The following MMP26 variants were observed in gnomAD, a reference collection of about 807,000 sequenced individuals.
MMP26 encodes the protein matrix metalloproteinase-26.
Under a neutral mutation model 31.0 loss-of-function variants are expected in MMP26, and 33 were observed. That is an observed-to-expected ratio of 1.06 (90% CI 0.81 to 1.42). The LOEUF is 1.42. MMP26 is among the 40% of genes most tolerant of loss of function. The pLI, the probability that MMP26 is intolerant of heterozygous loss-of-function variation, is 0.00. For synonymous variants in MMP26, 122 were observed against 114.9 expected (o/e 1.06, Z -0.40); for missense variants, 347 against 316.1 (o/e 1.10, Z -0.74).
At chr11:4,866,490 T>C (rs1850236203) in intron 2 of MMP26, among the ~76,000 whole-genome samples, 1 of 152,110 alleles carries the variant, frequency 6.6e-6, no homozygotes, top group African/African-American at 2.4e-5. Context: ...ATCAATATCA[T>C]GAAAATGGTC....
chr11:4,904,450 A>G (rs1850852385), intron 2 of MMP26, among the ~76,000 whole-genome samples: 1 of 152,110 alleles, frequency 6.6e-6, no homozygotes, highest in South Asian at 2.1e-4. Context: ...ACCTCTCTGT[A>G]TATTCTACCT....
chr11:4,852,783 A>T (rs972205987), intron 2 of MMP26, among the ~76,000 whole-genome samples: 1 of 152,182 alleles, frequency 6.6e-6, no homozygotes, highest in African/African-American at 2.4e-5. Flanking sequence ...CCATTGAAGC[A>T]TTATTCATAA....
At chr11:4,717,288 A>G (rs1217960911) in intron 1 of MMP26, among the ~76,000 whole-genome samples, 1 of 152,180 alleles carries the variant, frequency 6.6e-6, no homozygotes, top group Non-Finnish European at 1.5e-5. Context: ...CTGTATCTCA[A>G]CAGTCTGGAT....
At chr11:4,969,714 A>G (rs1846639961) in intron 2 of MMP26, among the ~76,000 whole-genome samples, 1 of 152,148 alleles carries the variant, frequency 6.6e-6, no homozygotes, top group Admixed American at 6.5e-5. Flanking sequence ...ATAATTTTAA[A>G]CATCCAGTAG....
At chr11:4,754,390 A>G (rs952355401) in intron 1 of MMP26, among the ~76,000 whole-genome samples, 9 of 151,960 alleles carry the variant, frequency 5.9e-5, no homozygotes, top group African/African-American at 2.2e-4. Flanking sequence ...GACGTGAAAC[A>G]ATTTTATTTC....
intron 2 of MMP26, chr11:4,937,227 A>T (rs1470792141): frequency 6.6e-6 from 1 of 152,204 alleles, no homozygotes; most frequent in Non-Finnish European, 1.5e-5. Context: ...AAAGTCATTC[A>T]TTCTGTGAAC....
At chr11:4,805,022 G>A (rs1301175965) in intron 2 of MMP26, among the ~76,000 whole-genome samples, 1 of 151,514 alleles carries the variant, frequency 6.6e-6, no homozygotes, top group African/African-American at 2.4e-5. Context: ...CATCTGCTAA[G>A]GGAAAATCAT....
intron 2 of MMP26, chr11:4,937,533 C>G (rs1367718514): frequency 1.3e-5 from 2 of 152,928 alleles, no homozygotes; most frequent in Non-Finnish European, 2.9e-5. Flanking sequence ...TCAGCGTGGG[C>G]ACATAGAAGA....
chr11:4,820,868 A>G lies in MMP26; in HGVS notation c.-145+53527A>G, dbSNP rs112380622. Among the ~76,000 whole-genome samples, 588 of 152,048 alleles carry G rather than the reference A, an allele frequency of 3.9e-3. 5 individuals carry two copies. Among genetic ancestry groups the G allele is most frequent in the African/African-American group, 0.013 (531 of 41,536 alleles). On this transcript the variant is annotated intron_variant, in intron 2 of 7. Coordinates refer to ENST00000380390, the MANE Select transcript of MMP26 (RefSeq NM_021801.5). Reference sequence around the variant, plus strand: ...CAACAACACAGGGAACTCCCAACAAATGCGATCAATATTTATTTTTCTTAG... The same window carrying G: ...CAACAACACAGGGAACTCCCAACAAGTGCGATCAATATTTATTTTTCTTAG...
chr11:4,882,183 G>A lies in MMP26; in HGVS notation c.-144-105885G>A, dbSNP rs1231672259. 5.6e-6 allele frequency: 9 copies of A among 1,613,922 alleles called. No homozygotes were observed. The South Asian group carries it at 8.8e-5, about 16-fold the overall frequency. On this transcript the variant is annotated intron_variant, in intron 2 of 7. Coordinates refer to ENST00000380390, the MANE Select transcript of MMP26 (RefSeq NM_021801.5). The stretch of plus-strand genomic sequence containing the variant: ...CTCTGGTTTCATGCCCGGGAGATCA[G>A]CTTTAAAGCTTGCTTCATTCAAATG...
At chr11:4,988,379 G>A in intron 3 of MMP26, 69 bp downstream of exon 3, 2 of 1,147,194 alleles carry the variant, frequency 1.7e-6, no homozygotes, top group Non-Finnish European at 2.7e-6. Flanking sequence ...GTGTGTGTGT[G>A]TATGTGTGAC....
intron 2 of MMP26, among the ~76,000 whole-genome samples, chr11:4,785,200 C>T (rs938908965): frequency 3.3e-5 from 5 of 152,098 alleles, no homozygotes; most frequent in African/African-American, 1.2e-4. Flanking sequence ...TCCAAGAAAC[C>T]CTTCAGTTCT....
At chr11:4,741,938 T>C (rs761613370) in intron 1 of MMP26, among the ~76,000 whole-genome samples, 37 of 152,160 alleles carry the variant, frequency 2.4e-4, no homozygotes, top group Non-Finnish European at 4.4e-4. Flanking sequence ...GTTCAAATGG[T>C]TGAATGTTGC....
intron 2 of MMP26, among the ~76,000 whole-genome samples, chr11:4,926,770 A>T (rs373272697): frequency 3.3e-5 from 5 of 152,292 alleles, no homozygotes; most frequent in African/African-American, 9.6e-5. Context: ...ATGAGGAAAA[A>T]AAATAAATAA....
chr11:4,966,908 T>C (rs1337261217), intron 2 of MMP26, among the ~76,000 whole-genome samples: 3 of 152,158 alleles, frequency 2.0e-5, no homozygotes, highest in Admixed American at 2.0e-4. Context: ...TTTCTACCTG[T>C]TGAGCTCAAT....
intron 1 of MMP26, among the ~76,000 whole-genome samples, chr11:4,766,243 C>T (rs1159925641): frequency 6.6e-6 from 1 of 152,138 alleles, no homozygotes; most frequent in African/African-American, 2.4e-5. Context: ...TGCCAGTGTT[C>T]ATTCTGGTGG....
intron 2 of MMP26, chr11:4,832,743 A>G (rs901906358): frequency 5.6e-6 from 1 of 177,822 alleles, no homozygotes; most frequent in South Asian, 1.4e-4. Flanking sequence ...TGTTCGTTGC[A>G]CTCTGCATGA....
intron 2 of MMP26, among the ~76,000 whole-genome samples, chr11:4,902,477 T>C (rs1031354418): frequency 1.3e-5 from 2 of 152,196 alleles, no homozygotes; most frequent in Non-Finnish European, 2.9e-5. Flanking sequence ...CTGTGTAGTA[T>C]TCCCTGGTGT....
chr11:4,941,439 C>A (rs1349219801), intron 2 of MMP26, among the ~76,000 whole-genome samples: 3 of 152,190 alleles, frequency 2.0e-5, no homozygotes, highest in African/African-American at 7.2e-5. Context: ...TGTAAATACA[C>A]AAACACATAC....
Sources: allele counts gnomAD v4.1 joint callset (sites outside exome capture counted in the v4.1 genomes callset), GRCh38; gene constraint gnomAD v4.1.1; transcripts MANE v1.5; gene names NCBI Gene and HGNC (gene_info 2026-07-23, HGNC 2026-07-21).